MPZL1: variants seen among roughly 807,000 people sequenced by gnomAD.
MPZL1 encodes myelin protein zero-like protein 1.
MPZL1 carries 16 observed loss-of-function variants against 29.3 expected under a neutral mutation model. The observed-to-expected ratio is 0.55, with a 90% CI of 0.37 to 0.83. The LOEUF is 0.83. MPZL1 is among the 40% of genes least tolerant of loss of function. The pLI is 0.00. For missense variants in MPZL1, 279 were observed against 332.9 expected (o/e 0.84, Z 1.26); for synonymous variants, 143 against 132.0 (o/e 1.08, Z -0.57).
intron 1 of MPZL1, among the ~76,000 whole-genome samples, chr1:167,739,288 T>TATATAC (rs1553254295): frequency 9.2e-6 from 1 of 108,334 alleles, no homozygotes; most frequent in Non-Finnish European, 1.7e-5. Context: ...TATACATATA[T>TATATAC]ATATATATAT....
At chr1:167,749,587 T>A (rs1442680393) in intron 1 of MPZL1, among the ~76,000 whole-genome samples, 1 of 152,230 alleles carries the variant, frequency 6.6e-6, no homozygotes, top group Non-Finnish European at 1.5e-5. Context: ...AACTTCTTGA[T>A]CTTTACCTGT....
At chr1:167,726,203 A>T (rs1405325933) in intron 1 of MPZL1, among the ~76,000 whole-genome samples, 1 of 152,080 alleles carries the variant, frequency 6.6e-6, no homozygotes, top group African/African-American at 2.4e-5. Context: ...CCTTTGAACT[A>T]GCTGTTCTGA....
chr1:167,783,490 A>T (rs1272692163), intron 5 of MPZL1, among the ~76,000 whole-genome samples: 1 of 152,226 alleles, frequency 6.6e-6, no homozygotes, highest in Non-Finnish European at 1.5e-5. Context: ...ATGTTGTTAA[A>T]CAGTGATTGA....
intron 1 of MPZL1, among the ~76,000 whole-genome samples, chr1:167,735,635 C>T (rs1660362356): frequency 6.6e-6 from 1 of 152,112 alleles, no homozygotes; most frequent in Non-Finnish European, 1.5e-5. Context: ...GCAGGGTAGG[C>T]TGGCAGGCTG....
intron 1 of MPZL1, among the ~76,000 whole-genome samples, chr1:167,755,717 C>T (rs1324216399): frequency 2.6e-5 from 4 of 152,164 alleles, no homozygotes; most frequent in Non-Finnish European, 5.9e-5. Context: ...AATGGAAGCC[C>T]TGCGCTGTGG....
At chr1:167,769,796 A>ACAT (rs1026328448) in intron 2 of MPZL1, among the ~76,000 whole-genome samples, 3 of 152,220 alleles carry the variant, frequency 2.0e-5, no homozygotes, top group Non-Finnish European at 4.4e-5. Context: ...GATGAGTTAG[A>ACAT]CATACCAGTT....
In MPZL1 at chr1:167,722,172, CG is replaced by C; in HGVS notation, c.25del (p.Ala9ArgfsTer2). 8.1e-7 allele frequency: 1 copy of C among 1,237,200 alleles called. No homozygotes were observed. The allele number at this position is 1,237,200 out of a possible 1,614,324, so 76.6% of individuals were successfully genotyped here. MAASAGAGAVIAAPDSRR... is the reference protein window; with the variant it reads MAASAGAXAVIAAPDSRR... ...GGACGATGGCAGCGTCCGCCGGAGC[CG>C]GGGCGGTGATTGCAGCCCCAGACAG... On this transcript the variant is annotated frameshift_variant, in exon 1 of 6. Transcript: ENST00000359523. LOFTEE classifies it high-confidence loss of function.
chr1:167,787,450 T>C (rs750567698), intron 5 of MPZL1, among the ~76,000 whole-genome samples: 4 of 152,202 alleles, frequency 2.6e-5, no homozygotes, highest in Non-Finnish European at 5.9e-5. Flanking sequence ...TGCGTGGAAG[T>C]TCCCATCTTA....
intron 1 of MPZL1, among the ~76,000 whole-genome samples, chr1:167,725,298 C>T (rs763370080): frequency 2.6e-5 from 4 of 152,070 alleles, no homozygotes; most frequent in Non-Finnish European, 4.4e-5. Context: ...TCTTTTTCCC[C>T]CTCTGGAGTC....
intron 1 of MPZL1, among the ~76,000 whole-genome samples, chr1:167,724,684 T>C (rs1236373351): frequency 6.6e-6 from 1 of 152,076 alleles, no homozygotes; most frequent in Non-Finnish European, 1.5e-5. Flanking sequence ...GGAGATACTT[T>C]TGAATATGTT....
At chr1:167,722,605 AG>A (rs1425190193) in intron 1 of MPZL1, among the ~76,000 whole-genome samples, 1 of 152,076 alleles carries the variant, frequency 6.6e-6, no homozygotes, top group Non-Finnish European at 1.5e-5. Context: ...TGGATCGTCT[AG>A]GCCCTCCCGG....
At chr1:167,758,789 C>CTT (rs1199109127) in intron 1 of MPZL1, among the ~76,000 whole-genome samples, 1 of 152,136 alleles carries the variant, frequency 6.6e-6, no homozygotes, top group Non-Finnish European at 1.5e-5. Flanking sequence ...CCAGAGTACT[C>CTT]TAAGAGAAGG....
chr1:167,740,705 C>T (rs969755636), intron 1 of MPZL1, among the ~76,000 whole-genome samples: 2 of 152,168 alleles, frequency 1.3e-5, no homozygotes, highest in African/African-American at 4.8e-5. Context: ...ATATACAATT[C>T]AGACCTCTCT....
At chr1:167,778,912 G>A (rs4657714) in intron 5 of MPZL1, among the ~76,000 whole-genome samples, 114,055 of 152,032 alleles carry the variant, frequency 0.75, 43,301 homozygotes, top group African/African-American at 0.86. Flanking sequence ...GACAGATGGC[G>A]GGGTGAAAGT....
intron 1 of MPZL1, among the ~76,000 whole-genome samples, chr1:167,724,014 G>GA (rs771874301): frequency 1.3e-5 from 2 of 152,160 alleles, no homozygotes; most frequent in African/African-American, 4.8e-5. Context: ...CTCTGGAACT[G>GA]AAACTCCTGG....
chr1:167,723,366 T>G (rs1660079728), intron 1 of MPZL1, among the ~76,000 whole-genome samples: 1 of 152,252 alleles, frequency 6.6e-6, no homozygotes, highest in Non-Finnish European at 1.5e-5. Context: ...ACTGTTCCAC[T>G]TAAACAGTGA....
intron 1 of MPZL1, among the ~76,000 whole-genome samples, chr1:167,750,421 C>CT (rs1007203792): frequency 2.0e-5 from 3 of 152,106 alleles, no homozygotes; most frequent in African/African-American, 7.2e-5. Flanking sequence ...AGGCTGGTCT[C>CT]TAACTCCTGA....
chr1:167,769,986 T>C (rs1661203330), intron 2 of MPZL1, among the ~76,000 whole-genome samples: 1 of 152,150 alleles, frequency 6.6e-6, no homozygotes, highest in African/African-American at 2.4e-5. Context: ...AAAGAAACAG[T>C]AGCCATCAGT....
chr1:167,731,629 G>A (rs1660273161), intron 1 of MPZL1, among the ~76,000 whole-genome samples: 1 of 151,904 alleles, frequency 6.6e-6, no homozygotes, highest in South Asian at 2.1e-4. Context: ...CAGTAGAGAC[G>A]GTGTTTCACC....
Sources: gnomAD v4.1 joint callset for allele counts (sites outside exome capture counted in the v4.1 genomes callset) on GRCh38, gnomAD v4.1.1 for gene constraint, MANE v1.5 for transcripts, NCBI Gene and HGNC (gene_info 2026-07-23, HGNC 2026-07-21) for gene names.